CTNNA2: variants seen among roughly 807,000 people sequenced by gnomAD.
CTNNA2 encodes catenin alpha 2.
Under a neutral mutation model 101.0 loss-of-function variants are expected in CTNNA2, and 42 were observed. The observed-to-expected ratio is 0.42, with a 90% confidence interval of 0.32 to 0.54. CTNNA2 has a LOEUF of 0.54. CTNNA2 is among the 20% of genes least tolerant of loss of function. The pLI is 0.14. For synonymous variants in CTNNA2, 450 were observed against 456.4 expected (o/e 0.99, Z 0.18); for missense variants, 871 against 1,223.1 (o/e 0.71, Z 4.29).
intron 2 of CTNNA2, among the ~76,000 whole-genome samples, chr2:79,215,065 G>A (rs1674232256): frequency 6.6e-6 from 1 of 152,184 alleles, no homozygotes; most frequent in Non-Finnish European, 1.5e-5. Flanking sequence ...AGGCGATCGG[G>A]CAGCGTCAGT....
At chr2:80,328,220 A>G (rs948970684) in intron 7 of CTNNA2, 2 of 464,992 alleles carry the variant, frequency 4.3e-6, no homozygotes, top group South Asian at 1.6e-5. Context: ...GGGTTTTGTC[A>G]TTATCTGTCT....
chr2:80,277,425 C>T (rs1038840155), intron 7 of CTNNA2, among the ~76,000 whole-genome samples: 3 of 152,008 alleles, frequency 2.0e-5, no homozygotes, highest in Non-Finnish European at 4.4e-5. Context: ...CTTTCTATGA[C>T]TGGCCACCAT....
intron 1 of CTNNA2, among the ~76,000 whole-genome samples, chr2:79,617,857 T>C (rs1678726280): frequency 6.6e-6 from 1 of 152,180 alleles, no homozygotes; most frequent in Admixed American, 6.5e-5. Flanking sequence ...TGATTTTTCC[T>C]CTTATGCATC....
In CTNNA2 at chr2:79,848,683, C is replaced by T. The variant is rs139560562; in HGVS notation, c.299-9330C>T. On this transcript the variant is annotated intron_variant, in intron 3 of 18. Coordinates refer to ENST00000402739, the MANE Select transcript of CTNNA2 (RefSeq NM_001282597.3). ...ATTCAATACACTTAATCATTAGTTA[C>T]TGACATTTCTAGTACTTTTGCATAC... is the stretch of plus-strand genomic sequence containing the variant. Among the ~76,000 whole-genome samples, 7 of 152,286 alleles carry T rather than the reference C, an allele frequency of 4.6e-5. No homozygotes were observed. In the East Asian group the frequency reaches 9.6e-4, roughly 21 times the overall value.
chr2:79,700,106 G>A (rs1325713665), intron 2 of CTNNA2, among the ~76,000 whole-genome samples: 2 of 151,864 alleles, frequency 1.3e-5, no homozygotes, highest in African/African-American at 2.4e-5. Context: ...TTATTCAAAT[G>A]TAATCAACAC....
At chr2:79,290,274 A>T (rs1385099388) in intron 2 of CTNNA2, among the ~76,000 whole-genome samples, 3 of 152,146 alleles carry the variant, frequency 2.0e-5, no homozygotes, top group African/African-American at 7.2e-5. Context: ...TTAATAGAGC[A>T]TTGGTTACTG....
intron 7 of CTNNA2, among the ~76,000 whole-genome samples, chr2:79,933,948 T>A (rs1388919747): frequency 1.3e-5 from 2 of 152,296 alleles, no homozygotes; most frequent in Non-Finnish European, 2.9e-5. Context: ...CAGTAATAAA[T>A]ATAAAATTTA....
intron 7 of CTNNA2, among the ~76,000 whole-genome samples, chr2:80,338,303 T>TC (rs376947831): frequency 2.8e-5 from 2 of 70,662 alleles, no homozygotes; most frequent in African/African-American, 1.1e-4. Context: ...TTTCTTTTTC[T>TC]TTTTTTTTTT....
At chr2:79,315,464 G>T (rs888643735) in intron 3 of CTNNA2, among the ~76,000 whole-genome samples, 1 of 151,966 alleles carries the variant, frequency 6.6e-6, no homozygotes, top group African/African-American at 2.4e-5. Flanking sequence ...CTATGCATTT[G>T]CCCAGTTAAG....
intron 3 of CTNNA2, among the ~76,000 whole-genome samples, chr2:79,784,963 T>C (rs1674726116): frequency 6.6e-6 from 1 of 152,140 alleles, no homozygotes; most frequent in Admixed American, 6.6e-5. Context: ...GATGTTTACT[T>C]GGTCAAAATT....
intron 1 of CTNNA2, among the ~76,000 whole-genome samples, chr2:79,559,545 T>G (rs936083152): frequency 2.6e-5 from 4 of 151,916 alleles, no homozygotes; most frequent in African/African-American, 9.7e-5. Context: ...TTTTTCCCCA[T>G]AGTAGGAAAG....
intron 4 of CTNNA2, among the ~76,000 whole-genome samples, chr2:79,861,679 T>G (rs1170992911): frequency 6.6e-6 from 1 of 152,184 alleles, no homozygotes; most frequent in Non-Finnish European, 1.5e-5. Context: ...TGAGTTCTCT[T>G]TGAGTATATA....
chr2:79,588,542 A>T (rs1454175880), intron 1 of CTNNA2, among the ~76,000 whole-genome samples: 1 of 152,214 alleles, frequency 6.6e-6, no homozygotes, highest in Non-Finnish European at 1.5e-5. Context: ...TTTGAAGTTG[A>T]TAATCCATTC....
intron 9 of CTNNA2, among the ~76,000 whole-genome samples, chr2:80,449,533 C>T (rs962384538): frequency 5.3e-5 from 8 of 152,142 alleles, no homozygotes; most frequent in African/African-American, 1.9e-4. Context: ...AATGGATCCT[C>T]CTCTTGGTAC....
At chr2:80,393,321 A>T in intron 8 of CTNNA2, 30 bp downstream of exon 8, 1 of 1,499,536 alleles carries the variant, frequency 6.7e-7, no homozygotes, top group Non-Finnish European at 9.2e-7. Context: ...CTTTAAGTCC[A>T]TGATATTCAG....
intron 4 of CTNNA2, among the ~76,000 whole-genome samples, chr2:79,386,791 T>C (rs887989706): frequency 6.6e-5 from 10 of 152,236 alleles, no homozygotes; most frequent in Non-Finnish European, 1.3e-4. Flanking sequence ...TTCATTGTGA[T>C]TTTGTCTGTC....
At chr2:79,922,014 C>T (rs1030897703) in intron 7 of CTNNA2, among the ~76,000 whole-genome samples, 4 of 152,136 alleles carry the variant, frequency 2.6e-5, no homozygotes, top group African/African-American at 9.7e-5. Flanking sequence ...CCAGAGGATT[C>T]TCCTGCCTCC....
chr2:79,627,480 C>T (rs976867392), intron 1 of CTNNA2, among the ~76,000 whole-genome samples: 1 of 152,160 alleles, frequency 6.6e-6, no homozygotes, highest in Non-Finnish European at 1.5e-5. Flanking sequence ...TCCTGTCCTG[C>T]GTGACAGATC....
intron 7 of CTNNA2, among the ~76,000 whole-genome samples, chr2:80,375,289 G>GTAGGGATTTCTA (rs1436493761): frequency 2.0e-5 from 3 of 152,130 alleles, no homozygotes; most frequent in Non-Finnish European, 4.4e-5. Flanking sequence ...TCCCCAGGAG[G>GTAGGGATTTCTA]TAGGGATTTC....
Sources: allele counts gnomAD v4.1 joint callset (sites outside exome capture counted in the v4.1 genomes callset), GRCh38; gene constraint gnomAD v4.1.1; transcripts MANE v1.5; gene names NCBI Gene and HGNC (gene_info 2026-07-23, HGNC 2026-07-21).